KALRN: variants seen among roughly 807,000 people sequenced by gnomAD.
KALRN encodes the protein kalirin RhoGEF kinase.
In KALRN, 70 loss-of-function variants were observed where a neutral mutation model predicts 353.7. The observed-to-expected ratio is 0.20, with a 90% CI of 0.16 to 0.24. KALRN has a LOEUF of 0.24. Ranked by LOEUF, KALRN falls within the 10% of genes least tolerant of loss-of-function variation. KALRN has a pLI of 1.00. For synonymous variants in KALRN, 1,391 were observed against 1,434.8 expected (o/e 0.97, Z 0.69); for missense variants, 2,791 against 3,756.7 (o/e 0.74, Z 6.72).
intron 37 of KALRN, among the ~76,000 whole-genome samples, chr3:124,640,275 A>ATTCT (rs1365426189): frequency 4.1e-5 from 6 of 146,502 alleles, no homozygotes; most frequent in African/African-American, 1.5e-4. Context: ...AATGCATTCG[A>ATTCT]TTCTTTCTTT....
At chr3:124,254,400 A>C (rs887016085) in intron 3 of KALRN, among the ~76,000 whole-genome samples, 1 of 143,700 alleles carries the variant, frequency 7.0e-6, no homozygotes, top group Non-Finnish European at 1.5e-5. Context: ...TTCAAGATCA[A>C]GTGTTCTATG....
At chr3:124,099,256 GT>G (rs1361802379) in intron 1 of KALRN, 3 of 152,074 alleles carry the variant, frequency 2.0e-5, no homozygotes, top group African/African-American at 7.2e-5. Context: ...TCATTGTACT[GT>G]TTACACCGTA....
chr3:124,038,106 T>G (rs2039602536), intron 1 of KALRN, among the ~76,000 whole-genome samples: 1 of 151,826 alleles, frequency 6.6e-6, no homozygotes, highest in African/African-American at 2.4e-5. Context: ...AAGGGAAGGG[T>G]GAAAGTTAGA....
chr3:124,550,975 C>T (rs547633312), intron 33 of KALRN, among the ~76,000 whole-genome samples: 1 of 152,124 alleles, frequency 6.6e-6, no homozygotes, highest in South Asian at 2.1e-4. Context: ...GGTGACAGAG[C>T]AAGACTCCGT....
chr3:124,511,472 T>G (rs2065897726), intron 33 of KALRN, among the ~76,000 whole-genome samples: 1 of 152,236 alleles, frequency 6.6e-6, no homozygotes, highest in Non-Finnish European at 1.5e-5. Context: ...TCAAGTGACT[T>G]CCACTGGAGG....
At chr3:124,236,187 C>G (rs12634215) in intron 3 of KALRN, among the ~76,000 whole-genome samples, 14,097 of 151,318 alleles carry the variant, frequency 0.093, 1,832 homozygotes, top group East Asian at 0.64. Context: ...ACAGAAAAAA[C>G]ATAAAAGGTC....
At position 124,401,551 on chromosome 3, in the gene KALRN, T is replaced by C. The variant is rs139964574; in HGVS notation, c.2346+2680T>C. Among the ~76,000 whole-genome samples, 331 of 152,266 alleles carry C rather than the reference T, an allele frequency of 2.2e-3. 3 individuals are homozygous for C. The highest frequency in any genetic ancestry group is 7.7e-3 in the African/African-American group (322 of 41,554). ...AAATAAATTATTGGATTTGCATTCT[T>C]TAGCCTTTGTATGTATAAAAATTCC... On this transcript the variant is annotated intron_variant, in intron 13 of 59. Coordinates refer to ENST00000682506, the MANE Select transcript of KALRN (RefSeq NM_001388419.1).
At chr3:124,354,424 A>G (rs2083164538) in intron 10 of KALRN, among the ~76,000 whole-genome samples, 1 of 152,184 alleles carries the variant, frequency 6.6e-6, no homozygotes, top group Non-Finnish European at 1.5e-5. Flanking sequence ...TGCATCTTGT[A>G]AGGACTGGGA....
chr3:124,585,010 TAG>T, intron 34 of KALRN: 1 of 1,356,682 alleles, frequency 7.4e-7, no homozygotes, highest in Non-Finnish European at 9.9e-7. Flanking sequence ...GCCTCTGGGG[TAG>T]GCGGATGGGG....
intron 10 of KALRN, among the ~76,000 whole-genome samples, chr3:124,347,856 A>G (rs2149561719): frequency 6.6e-6 from 1 of 152,322 alleles, no homozygotes; most frequent in African/African-American, 2.4e-5. Flanking sequence ...ACTGCCATTT[A>G]TATAATGTTC....
chr3:124,422,873 A>G lies in KALRN; in HGVS notation c.2604A>G (p.Glu868=), dbSNP rs1342088572. ...DLAAQVQELL[E]FLHEKQHELE... is the part of the protein sequence containing the mutation. ...CAGCCCAGGTGCAAGAGTTATTGGA[A>G]TTTCTCCATGAGAAGCAGCATGAAT... Residue 868 remains glutamate (E), a synonymous_variant, in exon 15 of 60, where the codon GAA becomes GAG. Transcript: ENST00000682506. The G allele has an allele frequency of 1.2e-6, 2 of 1,613,830 alleles. No individual in the cohort carries two copies. The highest frequency in any genetic ancestry group is 1.7e-6 in the Non-Finnish European group (2 of 1,179,880).
intron 19 of KALRN, among the ~76,000 whole-genome samples, chr3:124,442,277 A>G (rs577083464): frequency 6.6e-5 from 10 of 152,204 alleles, no homozygotes; most frequent in South Asian, 2.1e-4. Flanking sequence ...AATTTCCCCA[A>G]GTATTTTCAT....
In KALRN at chr3:124,199,668, C is replaced by A. The variant is rs1017739068; in HGVS notation, c.74-28322C>A. Among the ~76,000 whole-genome samples, 8 of 152,158 alleles carry A rather than the reference C, an allele frequency of 5.3e-5. 1 individual carries two copies. The highest frequency in any genetic ancestry group is 5.2e-4 in the Admixed American group (8 of 15,264). ...TCTTGTGCAGAAGTCAGAACAGTGG[C>A]CGGGCAATTACCATGCAGCGATCTA... On this transcript the variant is annotated intron_variant, in intron 1 of 59. Coordinates refer to ENST00000682506, the MANE Select transcript of KALRN (RefSeq NM_001388419.1).
chr3:124,529,392 G>A (rs1015888498), intron 33 of KALRN, among the ~76,000 whole-genome samples: 9 of 152,154 alleles, frequency 5.9e-5, no homozygotes, highest in Non-Finnish European at 8.8e-5. Context: ...CAAAAACAAG[G>A]AGCATGCTGC....
rs747625077 is a variant in KALRN, at chr3:124,697,732, AT to A, written c.7831+9del. 3.3e-6 allele frequency: 5 copies of A among 1,536,888 alleles called. No individual in the cohort carries two copies. The South Asian group carries it at 6.2e-5, about 19-fold the overall frequency. The stretch of plus-strand genomic sequence containing the variant: ...TGGAGTACAGAGAGGAAGGTGCACT[AT>A]CTCCTGCTCTTCTTTTTCTTTTCTC... On this transcript the variant is annotated intron_variant, in intron 55 of 59. Coordinates refer to ENST00000682506, the MANE Select transcript of KALRN (RefSeq NM_001388419.1).
At chr3:124,429,802 A>C (rs954558955) in intron 15 of KALRN, among the ~76,000 whole-genome samples, 1 of 152,198 alleles carries the variant, frequency 6.6e-6, no homozygotes, top group Non-Finnish European at 1.5e-5. Flanking sequence ...AATTTAAGTC[A>C]ATTATATTAT....
intron 5 of KALRN, among the ~76,000 whole-genome samples, chr3:124,280,746 A>G (rs964584544): frequency 2.0e-5 from 3 of 152,188 alleles, no homozygotes; most frequent in African/African-American, 7.2e-5. Context: ...ATATATAAAT[A>G]CAGGAGGATG....
intron 10 of KALRN, among the ~76,000 whole-genome samples, chr3:124,380,458 C>G (rs183171184): frequency 6.6e-6 from 1 of 152,302 alleles, no homozygotes; most frequent in East Asian, 1.9e-4. Context: ...TGGCCCATAT[C>G]TCTGAATGAG....
intron 13 of KALRN, among the ~76,000 whole-genome samples, chr3:124,400,972 G>C (rs1355266366): frequency 6.6e-6 from 1 of 152,156 alleles, no homozygotes; most frequent in African/African-American, 2.4e-5. Flanking sequence ...GGAAGTCAGG[G>C]TTGCTGGTTC....
Sources: gnomAD v4.1 joint callset for allele counts (sites outside exome capture counted in the v4.1 genomes callset) on GRCh38, gnomAD v4.1.1 for gene constraint, MANE v1.5 for transcripts, NCBI Gene and HGNC (gene_info 2026-07-23, HGNC 2026-07-21) for gene names.